LMO7: variants seen among roughly 807,000 people sequenced by gnomAD.
LMO7 encodes the protein LIM domain only protein 7.
In LMO7, 120 loss-of-function variants were observed where a neutral mutation model predicts 206.5. The observed-to-expected ratio is 0.58, with a 90% CI of 0.50 to 0.68. The LOEUF (loss-of-function observed/expected upper bound fraction) is 0.68. LMO7 is among the 30% of genes least tolerant of loss of function. LMO7 has a pLI of 0.00. For missense variants in LMO7, 1,959 were observed against 1,957.9 expected (o/e 1.00, Z -0.01); for synonymous variants, 706 against 681.5 (o/e 1.04, Z -0.56).
intron 3 of LMO7, among the ~76,000 whole-genome samples, chr13:75,745,016 T>C (rs981936622): frequency 6.6e-6 from 1 of 152,168 alleles, no homozygotes; most frequent in African/African-American, 2.4e-5. Context: ...TACCAATAGT[T>C]ACACTGAAAA....
intron 17 of LMO7, 32 bp from the exon 18 acceptor site, chr13:75,835,201 C>G (rs765161104): frequency 6.2e-7 from 1 of 1,610,658 alleles, no homozygotes; most frequent in Admixed American, 1.7e-5. Context: ...ATAAAACCCT[C>G]AATCTCACCA....
intron 3 of LMO7, among the ~76,000 whole-genome samples, chr13:75,744,120 A>C (rs911165473): frequency 6.6e-6 from 1 of 152,194 alleles, no homozygotes; most frequent in Non-Finnish European, 1.5e-5. Context: ...GTTATTTATA[A>C]TGTATTCTTA....
chr13:75,852,584 G>T (rs957052468), intron 27 of LMO7, among the ~76,000 whole-genome samples: 1 of 152,196 alleles, frequency 6.6e-6, no homozygotes, highest in Non-Finnish European at 1.5e-5. Context: ...CTTGTTAAAG[G>T]TAATTTTACA....
Position 75,674,567 on chromosome 13 carries a change from G to A in LMO7, c.69+37841G>A, listed in dbSNP as rs912570505. On this transcript the variant is annotated intron_variant, in intron 1 of 30. Transcript: ENST00000377534. Reference sequence around the variant, plus strand: ...CTTGTGAAAAAAGTTCCAACTTCTGGCAGTAGAGGTCAGAATGCTCCCGTG... The same window carrying A: ...CTTGTGAAAAAAGTTCCAACTTCTGACAGTAGAGGTCAGAATGCTCCCGTG... 1.1e-4 allele frequency among the ~76,000 whole-genome samples: 16 copies of A among 152,296 alleles called. No homozygotes were observed. In the Middle Eastern group the frequency reaches 0.017, roughly 162 times the overall value.
intron 2 of LMO7, among the ~76,000 whole-genome samples, chr13:75,623,669 TA>T (rs879825134): frequency 0.011 from 1,603 of 145,092 alleles, 16 homozygotes; most frequent in African/African-American, 0.028. Flanking sequence ...GACCAAGCAT[TA>T]AAAAAAAAAA....
intron 1 of LMO7, among the ~76,000 whole-genome samples, chr13:75,683,938 C>T (rs1476723769): frequency 6.6e-6 from 1 of 152,080 alleles, no homozygotes; most frequent in Non-Finnish European, 1.5e-5. Context: ...GATGAAGCCT[C>T]CAGGTAGCAG....
chr13:75,777,790 C>A (rs887504472), intron 4 of LMO7, among the ~76,000 whole-genome samples: 2 of 151,716 alleles, frequency 1.3e-5, no homozygotes, highest in Non-Finnish European at 2.9e-5. Flanking sequence ...GGACTACAGG[C>A]GCCTGCCACG....
chr13:75,848,498 T>C (rs1367116681), intron 26 of LMO7, among the ~76,000 whole-genome samples: 1 of 152,100 alleles, frequency 6.6e-6, no homozygotes, highest in Non-Finnish European at 1.5e-5. Flanking sequence ...TATCCACTCA[T>C]TGATTGATGG....
chr13:75,634,759 A>G (rs1165337026), upstream of LMO7, among the ~76,000 whole-genome samples: 1 of 151,974 alleles, frequency 6.6e-6, no homozygotes, highest in Non-Finnish European at 1.5e-5. Flanking sequence ...CAAACAAACA[A>G]GAACTTTGGG....
chr13:75,718,686 G>A (rs2043763099), intron 2 of LMO7, among the ~76,000 whole-genome samples: 1 of 152,128 alleles, frequency 6.6e-6, no homozygotes, highest in South Asian at 2.1e-4. Flanking sequence ...TTCATTCTTG[G>A]TGTTGTACGT....
Position 75,805,664 on chromosome 13 carries a change from A to C in LMO7, c.1100A>C (p.Gln367Pro), listed in dbSNP as rs759613441. The C allele has an allele frequency of 6.8e-6, 11 of 1,614,074 alleles. No homozygotes were observed. Among genetic ancestry groups the C allele is most frequent in the Non-Finnish European group, 8.5e-6 (10 of 1,179,894 alleles). ...VMPNPGNAFD[Q>P]FLPKCWTPED... ...CCAAACCCAGGGAATGCTTTTGATC[A>C]GTTTCTTCCCAAATGTTGGACCCCA... The change falls in exon 9 of 31, where the codon CAG becomes CCG. Residue 367 changes from glutamine (Q) to proline (P), a missense_variant. Gln to Pro is a moderately conservative substitution (Grantham distance 76). Coordinates refer to ENST00000377534, the MANE Select transcript of LMO7 (RefSeq NM_001306080.2).
chr13:75,675,774 G>C (rs1274005142), intron 1 of LMO7, among the ~76,000 whole-genome samples: 1 of 152,154 alleles, frequency 6.6e-6, no homozygotes, highest in African/African-American at 2.4e-5. Flanking sequence ...TTATTTAGTT[G>C]AAGGAGTTGG....
At chr13:75,815,843 T>C (rs2056925995) in intron 11 of LMO7, among the ~76,000 whole-genome samples, 1 of 151,936 alleles carries the variant, frequency 6.6e-6, no homozygotes, top group Non-Finnish European at 1.5e-5. Flanking sequence ...AGGTGAAAAG[T>C]GGTTGTTAGG....
intron 1 of LMO7, among the ~76,000 whole-genome samples, chr13:75,691,382 A>G (rs963046177): frequency 1.9e-4 from 29 of 152,298 alleles, no homozygotes; most frequent in Middle Eastern, 6.8e-3. Context: ...CAGGATTTGT[A>G]TGGTCTTGGC....
chr13:75,643,254 G>A (rs1027886854), intron 1 of LMO7, among the ~76,000 whole-genome samples: 19 of 152,160 alleles, frequency 1.2e-4, no homozygotes, highest in African/African-American at 4.6e-4. Context: ...TGTTAAGACT[G>A]GTTCTCAACA....
At chr13:75,771,589 A>AAAAACAGAATTTTTAAAGACTTTAAAAAC (rs1555315461) in intron 4 of LMO7, among the ~76,000 whole-genome samples, 6 of 152,166 alleles carry the variant, frequency 3.9e-5, no homozygotes, top group African/African-American at 7.2e-5. Flanking sequence ...CAGAATTAGT[A>AAAAACAGAATTTTTAAAGACTTTAAAAAC]AGTATATTTT....
chr13:75,856,676 C>G, intron 30 of LMO7, 68 bp downstream of exon 30: 2 of 902,732 alleles, frequency 2.2e-6, no homozygotes, highest in East Asian at 2.4e-5. Context: ...ATGCATTTCC[C>G]TGAACCTGCA....
intron 4 of LMO7, among the ~76,000 whole-genome samples, chr13:75,763,641 C>A (rs1329897273): frequency 2.6e-5 from 4 of 152,126 alleles, no homozygotes; most frequent in African/African-American, 9.7e-5. Context: ...ACTGCCCAGA[C>A]TGAATCTACC....
intron 4 of LMO7, among the ~76,000 whole-genome samples, chr13:75,761,852 G>A (rs1195136317): frequency 6.6e-6 from 1 of 151,744 alleles, no homozygotes; most frequent in Non-Finnish European, 1.5e-5. Flanking sequence ...TTTTTGCAAG[G>A]GAGAAAATAA....
Sources: gnomAD v4.1 joint callset for allele counts (sites outside exome capture counted in the v4.1 genomes callset) on GRCh38, gnomAD v4.1.1 for gene constraint, MANE v1.5 for transcripts, NCBI Gene and HGNC (gene_info 2026-07-23, HGNC 2026-07-21) for gene names.